Variants in CCSER1 observed in about 807,000 individuals in gnomAD.
CCSER1 encodes the protein coiled-coil serine rich protein 1.
CCSER1 carries 41 observed loss-of-function variants against 82.0 expected under a neutral mutation model. The ratio of observed to expected loss-of-function variants is 0.50; its 90% confidence interval spans 0.39 to 0.65. The LOEUF (loss-of-function observed/expected upper bound fraction) is 0.65, where lower values mean the gene tolerates loss of function less well. Ranked by LOEUF, CCSER1 falls within the 30% of genes least tolerant of loss-of-function variation. The pLI, the probability that CCSER1 is intolerant of heterozygous loss-of-function variation, is 0.00. For synonymous variants in CCSER1, 414 were observed against 383.9 expected (o/e 1.08, Z -0.92); for missense variants, 1,119 against 1,064.2 (o/e 1.05, Z -0.72).
intron 1 of CCSER1, among the ~76,000 whole-genome samples, chr4:90,190,025 T>C (rs1217398209): frequency 6.6e-6 from 1 of 151,896 alleles, no homozygotes; most frequent in Non-Finnish European, 1.5e-5. Context: ...CAATAAAAGG[T>C]TTTCTGGCAT....
At chr4:90,605,747 A>C (rs1006447254) in intron 5 of CCSER1, among the ~76,000 whole-genome samples, 11 of 152,158 alleles carry the variant, frequency 7.2e-5, no homozygotes, top group Non-Finnish European at 1.3e-4. Flanking sequence ...ATGATTTTTT[A>C]TAATTTTTTT....
chr4:90,452,748 T>C (rs1761640538), intron 4 of CCSER1, among the ~76,000 whole-genome samples: 1 of 152,298 alleles, frequency 6.6e-6, no homozygotes, highest in South Asian at 2.1e-4. Context: ...GTGGATCTGG[T>C]ATTTCACCGT....
chr4:90,523,763 T>C (rs1314283650), intron 5 of CCSER1, among the ~76,000 whole-genome samples: 1 of 152,032 alleles, frequency 6.6e-6, no homozygotes, highest in African/African-American at 2.4e-5. Flanking sequence ...ATAGTAGACC[T>C]GAAAAGTACG....
chr4:90,129,453 G>A (rs1164588772), intron 1 of CCSER1, among the ~76,000 whole-genome samples: 10 of 152,188 alleles, frequency 6.6e-5, no homozygotes, highest in Admixed American at 6.5e-4. Context: ...TCTCTTAAAA[G>A]TAGCAACCTG....
intron 9 of CCSER1, among the ~76,000 whole-genome samples, chr4:90,978,274 A>C (rs1472560990): frequency 6.6e-6 from 1 of 151,652 alleles, no homozygotes; most frequent in African/African-American, 2.4e-5. Flanking sequence ...AAAGAGGATA[A>C]TAATATTTTT....
At chr4:91,563,314 G>C (rs935112733) in intron 10 of CCSER1, among the ~76,000 whole-genome samples, 1 of 151,556 alleles carries the variant, frequency 6.6e-6, no homozygotes, top group Non-Finnish European at 1.5e-5. Flanking sequence ...ATATCAAAAA[G>C]GATGATTCAC....
chr4:90,947,894 A>AT (rs777122881), intron 9 of CCSER1, among the ~76,000 whole-genome samples: 1 of 152,044 alleles, frequency 6.6e-6, no homozygotes, highest in Non-Finnish European at 1.5e-5. Flanking sequence ...GTATCATGTA[A>AT]TTTTTTCTCT....
At chr4:90,926,145 A>G (rs149023181) in intron 9 of CCSER1, among the ~76,000 whole-genome samples, 1 of 152,042 alleles carries the variant, frequency 6.6e-6, no homozygotes, top group East Asian at 1.9e-4. Flanking sequence ...TTATTCTTCA[A>G]TTTATAGTAT....
intron 7 of CCSER1, among the ~76,000 whole-genome samples, chr4:90,759,804 A>G (rs549831829): frequency 5.3e-4 from 80 of 152,338 alleles, no homozygotes; most frequent in Non-Finnish European, 6.9e-4. Context: ...TCTTCACCAC[A>G]TATATACCAC....
At chr4:90,537,711 T>C (rs1775588659) in intron 5 of CCSER1, among the ~76,000 whole-genome samples, 1 of 152,214 alleles carries the variant, frequency 6.6e-6, no homozygotes, top group Non-Finnish European at 1.5e-5. Flanking sequence ...TCTTCACTTT[T>C]ATCTACTGGG....
In CCSER1 at chr4:90,749,275, C is replaced by A. The variant is rs191365667; in HGVS notation, c.2010+25284C>A. 2.9e-3 allele frequency among the ~76,000 whole-genome samples: 435 copies of A among 151,996 alleles called. 3 individuals carry two copies. Among genetic ancestry groups the A allele is most frequent in the Non-Finnish European group, 3.5e-3 (236 of 67,960 alleles). ...ACATGTGGCTAGCCAGTTTTCCCAG[C>A]ACCATTTATTAAATAGGAAATCCTT... On this transcript the variant is annotated intron_variant, in intron 7 of 10. Coordinates refer to ENST00000509176, the MANE Select transcript of CCSER1 (RefSeq NM_001145065.2).
chr4:90,954,268 A>G (rs757774484), intron 9 of CCSER1, among the ~76,000 whole-genome samples: 12 of 152,048 alleles, frequency 7.9e-5, no homozygotes, highest in Non-Finnish European at 1.5e-4. Flanking sequence ...CAAAGTAAAA[A>G]GATTCTGTAA....
At chr4:90,211,457 G>C (rs936349934) in intron 1 of CCSER1, among the ~76,000 whole-genome samples, 1 of 152,176 alleles carries the variant, frequency 6.6e-6, no homozygotes, top group East Asian at 1.9e-4. Context: ...TTGCTCACAG[G>C]TATATAGGAA....
Position 90,625,173 on chromosome 4 carries a change from T to C in CCSER1, c.1725-2852T>C, listed in dbSNP as rs566295549. 2.0e-5 allele frequency among the ~76,000 whole-genome samples: 3 copies of C among 152,268 alleles called. No homozygotes were observed. The South Asian group carries it at 6.2e-4, about 32-fold the overall frequency. On this transcript the variant is annotated intron_variant, in intron 5 of 10. Coordinates refer to ENST00000509176, the MANE Select transcript of CCSER1 (RefSeq NM_001145065.2). ...GCAAGAACAGAAGAGCACCTGAATC[T>C]TTTTCTCCCCTCACCAGCCTTAATA... is the stretch of plus-strand genomic sequence containing the variant.
At chr4:90,275,255 TG>T (rs1727329252) in intron 1 of CCSER1, among the ~76,000 whole-genome samples, 7 of 152,246 alleles carry the variant, frequency 4.6e-5, no homozygotes, top group Admixed American at 1.3e-4. Context: ...GGATTAAGAA[TG>T]AGTTTTCAAA....
intron 7 of CCSER1, among the ~76,000 whole-genome samples, chr4:90,741,314 T>A (rs1580246554): frequency 6.6e-6 from 1 of 152,222 alleles, no homozygotes; most frequent in South Asian, 2.1e-4. Context: ...ATTTTTTCTG[T>A]CAAAAGATGC....
At chr4:90,514,858 T>C (rs1367431909) in intron 5 of CCSER1, among the ~76,000 whole-genome samples, 1 of 152,108 alleles carries the variant, frequency 6.6e-6, no homozygotes, top group Non-Finnish European at 1.5e-5. Context: ...TATTACATTA[T>C]TACATAGTTA....
rs760465229 is a variant in CCSER1 at position 90,309,239 on chromosome 4, A to G, written c.955A>G (p.Met319Val). 7 of 1,613,900 alleles carry G rather than the reference A, an allele frequency of 4.3e-6. No homozygotes were observed. The Admixed American group carries it at 6.7e-5, about 15-fold the overall frequency. ...ELTGTVPCAIMSPGKYRLEGQ... is the reference protein window; with the variant it reads ...ELTGTVPCAIVSPGKYRLEGQ... ...TACGGGAACTGTTCCCTGTGCAATT[A>G]TGTCTCCTGGGAAATATAGGTTAGA... The change falls in exon 2 of 11, where the codon ATG becomes GTG. Residue 319 changes from methionine (M) to valine (V), a missense_variant. Met to Val is a conservative substitution (Grantham distance 21). Transcript: ENST00000509176.
intron 10 of CCSER1, among the ~76,000 whole-genome samples, chr4:91,275,955 ATTAG>A (rs1298624199): frequency 6.6e-6 from 1 of 152,118 alleles, no homozygotes; most frequent in Non-Finnish European, 1.5e-5. Flanking sequence ...TTTTGTCAAA[ATTAG>A]TTAACTATAA....
Sources: gnomAD v4.1 joint callset for allele counts (sites outside exome capture counted in the v4.1 genomes callset) on GRCh38, gnomAD v4.1.1 for gene constraint, MANE v1.5 for transcripts, NCBI Gene and HGNC (gene_info 2026-07-23, HGNC 2026-07-21) for gene names.